Variants in TYW1 observed in about 807,000 individuals in gnomAD.
TYW1 encodes the protein S-adenosyl-L-methionine-dependent tRNA 4-demethylwyosine synthase TYW1.
Under a neutral mutation model 96.2 loss-of-function variants are expected in TYW1, and 46 were observed. The observed-to-expected ratio is 0.48, with a 90% confidence interval of 0.38 to 0.61. The LOEUF (loss-of-function observed/expected upper bound fraction) is 0.61, where lower values mean the gene tolerates loss of function less well. Ranked by LOEUF, TYW1 falls within the 20% of genes least tolerant of loss-of-function variation. The pLI is 0.00. For missense variants in TYW1, 684 were observed against 909.6 expected (o/e 0.75, Z 3.19); for synonymous variants, 274 against 323.0 (o/e 0.85, Z 1.63).
chr7:67,226,830 C>T (rs1801574669), intron 15 of TYW1, among the ~76,000 whole-genome samples: 1 of 152,102 alleles, frequency 6.6e-6, no homozygotes, highest in Non-Finnish European at 1.5e-5. Context: ...CAGACGACCC[C>T]TGGACTTCCT....
intron 10 of TYW1, among the ~76,000 whole-genome samples, chr7:67,070,643 G>A (rs1193338366): frequency 6.6e-6 from 1 of 152,010 alleles, no homozygotes; most frequent in African/African-American, 2.4e-5. Context: ...TTTAGACATT[G>A]TTTTCTTGGT....
rs1162656885 is a variant in TYW1 at position 67,153,274 on chromosome 7, G to T, written c.1699-29852G>T. Among the ~76,000 whole-genome samples, 4 of 152,278 alleles carry T rather than the reference G, an allele frequency of 2.6e-5. No individual in the cohort carries two copies. The East Asian group carries it at 7.8e-4, about 30-fold the overall frequency. ...AGTTCAAGACCAGCCTGGCCAACAT[G>T]GCAAAGCCCCATCTCTACTAAAAAT... On this transcript the variant is annotated intron_variant, in intron 13 of 15. Transcript: ENST00000359626.
intron 13 of TYW1, among the ~76,000 whole-genome samples, chr7:67,155,030 C>T (rs1030204681): frequency 6.6e-5 from 10 of 151,954 alleles, no homozygotes; most frequent in African/African-American, 2.4e-4. Flanking sequence ...TGATTTGGTT[C>T]TATTTTAGGA....
At chr7:67,230,628 A>T (rs1801722693) in intron 15 of TYW1, among the ~76,000 whole-genome samples, 1 of 143,498 alleles carries the variant, frequency 7.0e-6, no homozygotes, top group East Asian at 2.0e-4. Context: ...CTGCACCCCC[A>T]ACCCACCATT....
At chr7:67,029,766 T>A (rs964466028) in intron 7 of TYW1, among the ~76,000 whole-genome samples, 1 of 152,102 alleles carries the variant, frequency 6.6e-6, no homozygotes, top group African/African-American at 2.4e-5. Flanking sequence ...AGTGGTGTGA[T>A]CACGGCTCAC....
rs765319488 is a variant in TYW1, at chr7:67,238,570, T to C, written c.*41T>C. ...AGGTACTGAAGGACAAAAACTTGGATGGCCTCAAAAGGTTCTTGAACACCA... is the reference window on the plus strand; with the variant it reads ...AGGTACTGAAGGACAAAAACTTGGACGGCCTCAAAAGGTTCTTGAACACCA... On this transcript the variant is annotated 3_prime_UTR_variant, in exon 16 of 16. Coordinates refer to ENST00000359626, the MANE Select transcript of TYW1 (RefSeq NM_018264.4). 1 of 1,600,354 alleles carries C rather than the reference T, an allele frequency of 6.2e-7. No individual in the cohort carries two copies. Among genetic ancestry groups the C allele is most frequent in the Admixed American group, 1.7e-5 (1 of 57,594 alleles).
chr7:67,200,520 A>G, intron 15 of TYW1, among the ~76,000 whole-genome samples: 1 of 151,934 alleles, frequency 6.6e-6, no homozygotes. Context: ...CTACCACAAG[A>G]ACAGTATGGG....
chr7:67,160,764 G>T (rs1799137109), intron 13 of TYW1, among the ~76,000 whole-genome samples: 1 of 151,120 alleles, frequency 6.6e-6, no homozygotes, highest in African/African-American at 2.4e-5. Context: ...GCTAATTTTT[G>T]TACTTTTAGT....
Position 67,025,093 on chromosome 7 carries a change from G to A in TYW1, c.984+71G>A, listed in dbSNP as rs370454872. On this transcript the variant is annotated intron_variant, in intron 7 of 15. Coordinates refer to ENST00000359626, the MANE Select transcript of TYW1 (RefSeq NM_018264.4). ...TAACATTTAGTATTTCTTTATTACTGTGTAGTCCATCTGAGCTCACAGAGG... is the reference window on the plus strand; with the variant it reads ...TAACATTTAGTATTTCTTTATTACTATGTAGTCCATCTGAGCTCACAGAGG... 5.3e-5 allele frequency: 84 copies of A among 1,578,254 alleles called. No individual in the cohort carries two copies. In the African/African-American group the frequency reaches 9.3e-4, roughly 18 times the overall value.
At chr7:67,092,035 A>G (rs1423174768) in intron 11 of TYW1, among the ~76,000 whole-genome samples, 1 of 151,980 alleles carries the variant, frequency 6.6e-6, no homozygotes, top group Admixed American at 6.6e-5. Context: ...GTGTTGTACG[A>G]CTCAGTCCGT....
At chr7:67,128,376 G>T (rs547644902) in intron 13 of TYW1, among the ~76,000 whole-genome samples, 96 of 152,158 alleles carry the variant, frequency 6.3e-4, no homozygotes, top group African/African-American at 2.2e-3. Flanking sequence ...CCAGCATTTC[G>T]ATTTTGTTCT....
chr7:67,029,519 A>G (rs1348684596), intron 7 of TYW1, among the ~76,000 whole-genome samples: 2 of 150,880 alleles, frequency 1.3e-5, no homozygotes, highest in African/African-American at 4.9e-5. Context: ...CTGTAGTTCA[A>G]TTCAATTCTG....
chr7:67,233,739 G>T (rs1427684874), intron 15 of TYW1, among the ~76,000 whole-genome samples: 1 of 135,852 alleles, frequency 7.4e-6, no homozygotes, highest in African/African-American at 2.9e-5. Context: ...TGCTCTTTCA[G>T]CTTCTGCCTT....
At chr7:67,062,426 T>C (rs1455079059) in intron 9 of TYW1, among the ~76,000 whole-genome samples, 1 of 151,530 alleles carries the variant, frequency 6.6e-6, no homozygotes, top group Non-Finnish European at 1.5e-5. Context: ...AAAAAGTACT[T>C]GTTGAAGTCA....
intron 15 of TYW1, among the ~76,000 whole-genome samples, chr7:67,203,027 G>C (rs190111402): frequency 1.3e-5 from 2 of 152,198 alleles, no homozygotes. Context: ...TGTGTGTTTA[G>C]TTCTGTGCTG....
intron 12 of TYW1, among the ~76,000 whole-genome samples, chr7:67,099,729 G>A (rs62468371): frequency 0.041 from 6,241 of 152,292 alleles, 188 homozygotes; most frequent in Middle Eastern, 0.11. Context: ...TAAGCCAGGC[G>A]CGGTGGCTCA....
Position 67,017,911 on chromosome 7 carries a change from G to T in TYW1, c.629G>T (p.Arg210Leu), listed in dbSNP as rs765384722. 5.0e-6 allele frequency: 8 copies of T among 1,614,136 alleles called. No homozygotes were observed. In the South Asian group the frequency reaches 8.8e-5, roughly 18 times the overall value. Residue 210 changes from arginine to leucine, a missense_variant, in exon 6 of 16, where the codon CGA becomes CTA. Physicochemically the swap from Arg to Leu is moderately radical, Grantham distance 102. Coordinates refer to ENST00000359626, the MANE Select transcript of TYW1 (RefSeq NM_018264.4). ...CTTGGCGCGCATCGTGTGATGAGTC[G>T]AGGGGAGGGCGACTGCGACGTGGTT... ...WMLGAHRVMS[R>L]GEGDCDVVKS...
intron 15 of TYW1, among the ~76,000 whole-genome samples, chr7:67,230,652 CTTT>C (rs34585182): frequency 7.5e-5 from 9 of 119,542 alleles, no homozygotes; most frequent in Admixed American, 3.6e-4. Context: ...CTTATTATCT[CTTT>C]TTTTTTTTTT....
At chr7:67,028,232 C>A (rs1321755220) in intron 7 of TYW1, among the ~76,000 whole-genome samples, 2 of 137,762 alleles carry the variant, frequency 1.5e-5, no homozygotes, top group Non-Finnish European at 3.1e-5. Context: ...GAGCAAGACT[C>A]TGTCTCAAAA....
Sources: gnomAD v4.1 joint callset for allele counts (sites outside exome capture counted in the v4.1 genomes callset) on GRCh38, gnomAD v4.1.1 for gene constraint, MANE v1.5 for transcripts, NCBI Gene and HGNC (gene_info 2026-07-23, HGNC 2026-07-21) for gene names.